FAM114A1: variants seen among roughly 807,000 people sequenced by gnomAD.
FAM114A1 encodes the protein protein NOXP20.
A neutral mutation model predicts 64.3 loss-of-function variants in FAM114A1; 62 were observed. The observed-to-expected ratio is 0.96, with a 90% CI of 0.79 to 1.19. The LOEUF is 1.19. Among genes scored for constraint, FAM114A1 ranks in the 50% most tolerant of loss-of-function variants. FAM114A1 has a pLI of 0.00. For synonymous variants in FAM114A1, 254 were observed against 251.1 expected, an observed-to-expected ratio of 1.01 and a Z score of -0.11; for missense variants, 645 against 676.3, an observed-to-expected ratio of 0.95 and a Z score of 0.51.
At chr4:38,878,879 C>A (rs564993942) in intron 3 of FAM114A1, among the ~76,000 whole-genome samples, 2 of 152,318 alleles carry the variant, frequency 1.3e-5, no homozygotes, top group South Asian at 2.1e-4. Context: ...CTAAACAAGT[C>A]AATGTTTCTT....
At chr4:38,942,781 G>C (rs541782314) in intron 14 of FAM114A1, among the ~76,000 whole-genome samples, 2 of 152,264 alleles carry the variant, frequency 1.3e-5, no homozygotes, top group African/African-American at 4.8e-5. Context: ...CTATCTGTAG[G>C]GTGGGGCAAA....
chr4:38,886,944 A>G (rs1161623027), intron 3 of FAM114A1, among the ~76,000 whole-genome samples: 2 of 151,860 alleles, frequency 1.3e-5, no homozygotes, highest in African/African-American at 4.8e-5. Context: ...AAAAAAAAAA[A>G]AGGAATGTAG....
intron 4 of FAM114A1, among the ~76,000 whole-genome samples, chr4:38,893,910 C>A (rs1490120761): frequency 6.6e-6 from 1 of 152,082 alleles, no homozygotes; most frequent in Non-Finnish European, 1.5e-5. Flanking sequence ...CGCCTGTAAT[C>A]CCGGCACTTT....
At chr4:38,918,801 A>G (rs568840511) in intron 8 of FAM114A1, among the ~76,000 whole-genome samples, 2 of 152,168 alleles carry the variant, frequency 1.3e-5, no homozygotes, top group East Asian at 1.9e-4. Flanking sequence ...TCAAATAAAA[A>G]TACAAAAATT....
At chr4:38,890,050 A>G (rs932206939) in intron 3 of FAM114A1, among the ~76,000 whole-genome samples, 2 of 152,144 alleles carry the variant, frequency 1.3e-5, no homozygotes, top group Non-Finnish European at 2.9e-5. Context: ...AAACTTTTCC[A>G]TTTATATATC....
chr4:38,927,445 G>A (rs1365752917), intron 9 of FAM114A1, among the ~76,000 whole-genome samples: 1 of 151,930 alleles, frequency 6.6e-6, no homozygotes, highest in Non-Finnish European at 1.5e-5. Context: ...TCTTTTTTTA[G>A]GGCACTAATC....
intron 2 of FAM114A1, among the ~76,000 whole-genome samples, chr4:38,874,618 CTATT>C (rs1353015284): frequency 6.6e-6 from 1 of 152,074 alleles, no homozygotes; most frequent in Non-Finnish European, 1.5e-5. Context: ...TGTAAGTTGT[CTATT>C]TATTCTGTTG....
chr4:38,883,395 C>A (rs561896253), intron 3 of FAM114A1, among the ~76,000 whole-genome samples: 43 of 152,222 alleles, frequency 2.8e-4, no homozygotes, highest in Admixed American at 2.7e-3. Flanking sequence ...TCTTATGGGA[C>A]CTTATTATAT....
chr4:38,875,850 A>G (rs574415798), intron 2 of FAM114A1, among the ~76,000 whole-genome samples: 2 of 152,240 alleles, frequency 1.3e-5, no homozygotes, highest in Admixed American at 1.3e-4. Context: ...TAGTTTGTTG[A>G]GACAGAACAT....
chr4:38,885,983 ATGTAAAAGTGGGTGAG>A (rs1407082272), intron 3 of FAM114A1, among the ~76,000 whole-genome samples: 14 of 152,200 alleles, frequency 9.2e-5, no homozygotes, highest in African/African-American at 3.4e-4. Flanking sequence ...TCTAAGGCAG[ATGTAAAAGTGGGTGAG>A]CTTTGGATGC....
At chr4:38,875,667 G>A (rs1203992912) in intron 2 of FAM114A1, among the ~76,000 whole-genome samples, 1 of 152,132 alleles carries the variant, frequency 6.6e-6, no homozygotes, top group African/African-American at 2.4e-5. Context: ...TTGTCTGATT[G>A]CTCTGGCTAG....
At chr4:38,929,922 C>T (rs1720491306) in intron 10 of FAM114A1, among the ~76,000 whole-genome samples, 1 of 152,224 alleles carries the variant, frequency 6.6e-6, no homozygotes, top group African/African-American at 2.4e-5. Context: ...GAATAAGTCA[C>T]TTACCTTTTC....
At chr4:38,935,056 A>G (rs571293627) in intron 12 of FAM114A1, among the ~76,000 whole-genome samples, 2 of 151,982 alleles carry the variant, frequency 1.3e-5, no homozygotes, top group African/African-American at 2.4e-5. Flanking sequence ...CTGAGATTAC[A>G]GGCGCCTGCC....
chr4:38,888,723 A>T (rs115656752), intron 3 of FAM114A1, among the ~76,000 whole-genome samples: 1 of 152,074 alleles, frequency 6.6e-6, no homozygotes, highest in African/African-American at 2.4e-5. Context: ...TTTTTCCTCT[A>T]TGTATTAGGA....
chr4:38,903,666 A>G (rs1377018998), intron 4 of FAM114A1, among the ~76,000 whole-genome samples: 2 of 152,236 alleles, frequency 1.3e-5, no homozygotes, highest in Middle Eastern at 6.3e-3. Context: ...ATAAGTTTCC[A>G]TTGAAATGCT....
chr4:38,930,135 G>A (rs1051787784), intron 10 of FAM114A1, among the ~76,000 whole-genome samples: 1 of 152,188 alleles, frequency 6.6e-6, no homozygotes, highest in African/African-American at 2.4e-5. Context: ...GCTGCATCAT[G>A]TCTAAGACCA....
At chr4:38,893,114 T>A (rs574759471) in intron 4 of FAM114A1, among the ~76,000 whole-genome samples, 7 of 152,218 alleles carry the variant, frequency 4.6e-5, no homozygotes, top group Non-Finnish European at 1.0e-4. Context: ...GCCTGTTTTG[T>A]TTTCTGAACA....
intron 14 of FAM114A1, among the ~76,000 whole-genome samples, chr4:38,943,131 T>G (rs939125056): frequency 2.7e-5 from 4 of 148,452 alleles, no homozygotes; most frequent in African/African-American, 1.0e-4. Flanking sequence ...AGGCGGAAGT[T>G]GCAGTGAGCC....
intron 4 of FAM114A1, among the ~76,000 whole-genome samples, chr4:38,902,483 C>T (rs1475230598): frequency 1.3e-5 from 2 of 152,156 alleles, no homozygotes; most frequent in Non-Finnish European, 2.9e-5. Context: ...AGCAGAAATC[C>T]TCCACAAGAC....
Sources: allele counts gnomAD v4.1 joint callset (sites outside exome capture counted in the v4.1 genomes callset), GRCh38; gene constraint gnomAD v4.1.1; transcripts MANE v1.5; gene names NCBI Gene and HGNC (gene_info 2026-07-23, HGNC 2026-07-21).